SPHKAP: variants seen among roughly 807,000 people sequenced by gnomAD.
The protein encoded by SPHKAP is A-kinase anchor protein SPHKAP.
A neutral mutation model predicts 137.5 loss-of-function variants in SPHKAP; 67 were observed. The observed-to-expected ratio is 0.49, with a 90% CI of 0.40 to 0.60. SPHKAP has a LOEUF of 0.60. Ranked by LOEUF, SPHKAP falls within the 20% of genes least tolerant of loss-of-function variation. The probability of loss-of-function intolerance (pLI) is 0.00; values close to 1 mark genes in which losing one functional copy is unlikely to be tolerated. For synonymous variants in SPHKAP, 813 were observed against 785.3 expected, an observed-to-expected ratio of 1.04 and a Z score of -0.59; for missense variants, 2,097 against 2,069.3, an observed-to-expected ratio of 1.01 and a Z score of -0.26.
intron 3 of SPHKAP, among the ~76,000 whole-genome samples, chr2:228,050,019 A>G (rs1696200232): frequency 6.6e-6 from 1 of 152,218 alleles, no homozygotes; most frequent in African/African-American, 2.4e-5. Flanking sequence ...CCCATTAAAA[A>G]GTGGGCAAAG....
intron 2 of SPHKAP, among the ~76,000 whole-genome samples, chr2:228,111,778 C>T (rs1016664287): frequency 4.6e-4 from 70 of 152,136 alleles, no homozygotes; most frequent in African/African-American, 1.7e-3. Context: ...TGAATTTCTG[C>T]CCCAAATTGT....
Position 228,019,240 on chromosome 2 carries a change from A to T in SPHKAP, c.1614T>A (p.Thr538=). The part of the protein sequence containing the change: ...FPPGSSGALQ[T]QAPQGLKEPS... Reference sequence around the variant, plus strand: ...GTTCCTTGAGTCCTTGGGGTGCTTGAGTTTGCAGTGCACCACTGCTCCCTG... The same window carrying T: ...GTTCCTTGAGTCCTTGGGGTGCTTGTGTTTGCAGTGCACCACTGCTCCCTG... The change falls in exon 7 of 12, where the codon ACT becomes ACA. Residue 538 remains threonine, a synonymous_variant. Coordinates refer to ENST00000392056, the MANE Select transcript of SPHKAP (RefSeq NM_001142644.2). 2 of 1,613,922 alleles carry T rather than the reference A, an allele frequency of 1.2e-6. No individual in the cohort carries two copies. The highest frequency in any genetic ancestry group is 1.7e-6 in the Non-Finnish European group (2 of 1,180,026).
At chr2:228,024,588 CT>C (rs1332093425) in intron 5 of SPHKAP, among the ~76,000 whole-genome samples, 1 of 151,894 alleles carries the variant, frequency 6.6e-6, no homozygotes, top group African/African-American at 2.4e-5. Context: ...AATTTGGAGA[CT>C]TTTGGGCTTT....
chr2:228,002,933 G>A (rs1485212023), intron 7 of SPHKAP, among the ~76,000 whole-genome samples: 2 of 152,174 alleles, frequency 1.3e-5, no homozygotes, highest in African/African-American at 4.8e-5. Context: ...CTATACCTCT[G>A]TTTTGGTACC....
chr2:227,987,947 G>A (rs1466528637), intron 11 of SPHKAP, among the ~76,000 whole-genome samples: 1 of 152,170 alleles, frequency 6.6e-6, no homozygotes, highest in Non-Finnish European at 1.5e-5. Flanking sequence ...ACAGTGGGAA[G>A]ATGACATTTT....
intron 1 of SPHKAP, among the ~76,000 whole-genome samples, chr2:228,164,595 C>T (rs1180911137): frequency 6.6e-6 from 1 of 152,206 alleles, no homozygotes; most frequent in Non-Finnish European, 1.5e-5. Flanking sequence ...TTCCAGCCAC[C>T]TCTACATTGA....
chr2:228,011,157 G>C (rs1033941420), intron 7 of SPHKAP, among the ~76,000 whole-genome samples: 11 of 152,012 alleles, frequency 7.2e-5, no homozygotes, highest in African/African-American at 2.2e-4. Context: ...ATGCATTAGG[G>C]TAAGCTGTGG....
rs1466595782 is a variant in SPHKAP, at chr2:228,080,768, AAAATAAAATAAAATAAAACC to A, written c.246+28044_246+28063del. Among the ~76,000 whole-genome samples the A allele has an allele frequency of 3.1e-3, 181 of 57,550 alleles. 3 individuals carry two copies. The highest frequency in any genetic ancestry group is 0.013 in the African/African-American group (167 of 13,080). The allele number at this position is 57,550 out of a possible 152,430, so 37.8% of individuals were successfully genotyped here. On this transcript the variant is annotated intron_variant, in intron 3 of 11. Transcript: ENST00000392056. ...AAAATAAAATAAAATAAAATAAAAT[AAAATAAAATAAAATAAAACC>A]AAACCACAATGATGTATCATCTCAC...
chr2:228,136,134 G>A (rs1463975406), intron 1 of SPHKAP, among the ~76,000 whole-genome samples: 1 of 152,188 alleles, frequency 6.6e-6, no homozygotes, highest in Admixed American at 6.5e-5. Context: ...ATTAAAATGA[G>A]CTGAAATTGA....
chr2:227,988,579 A>C (rs538984009), intron 11 of SPHKAP, among the ~76,000 whole-genome samples: 1 of 152,316 alleles, frequency 6.6e-6, no homozygotes. Flanking sequence ...TTGTTTCTTC[A>C]AGAAGATACA....
chr2:228,132,487 G>T, intron 1 of SPHKAP: 1 of 727,570 alleles, frequency 1.4e-6, no homozygotes, highest in Non-Finnish European at 1.7e-6. Flanking sequence ...TTTTAAAATG[G>T]AGGTAAAATA....
At position 228,018,816 on chromosome 2, in the gene SPHKAP, T is replaced by C. The variant is rs759522755; in HGVS notation, c.2038A>G (p.Ile680Val). 2 of 1,614,230 alleles carry C rather than the reference T, an allele frequency of 1.2e-6. No homozygotes were observed. Among genetic ancestry groups the C allele is most frequent in the South Asian group, 1.1e-5 (1 of 91,072 alleles). ...TLSNVILRHS[I>V]DEVHHKNMII... Reference sequence around the variant, plus strand: ...ATATTTTTGTGGTGAACTTCATCAATGGAATGCCTCAGGATAACATTGGAC... The same window carrying C: ...ATATTTTTGTGGTGAACTTCATCAACGGAATGCCTCAGGATAACATTGGAC... The change falls in exon 7 of 12, where the codon ATT becomes GTT. Residue 680 changes from isoleucine (I) to valine (V), a missense_variant. Coordinates refer to ENST00000392056, the MANE Select transcript of SPHKAP (RefSeq NM_001142644.2).
intron 3 of SPHKAP, among the ~76,000 whole-genome samples, chr2:228,090,185 G>A (rs1158805500): frequency 6.6e-6 from 1 of 152,172 alleles, no homozygotes; most frequent in East Asian, 1.9e-4. Flanking sequence ...AGCTGCCAAA[G>A]GCCATAAGAG....
chr2:228,084,931 T>C (rs1267457054), intron 3 of SPHKAP, among the ~76,000 whole-genome samples: 1 of 152,240 alleles, frequency 6.6e-6, no homozygotes, highest in Non-Finnish European at 1.5e-5. Flanking sequence ...TTTCCTTTGC[T>C]GTTACTGAGA....
chr2:228,175,779 A>G (rs557606642), intron 1 of SPHKAP, among the ~76,000 whole-genome samples: 2 of 152,294 alleles, frequency 1.3e-5, no homozygotes, highest in East Asian at 3.9e-4. Flanking sequence ...TATCTATAAG[A>G]AACAACTTAG....
At chr2:228,020,651 G>T (rs1011316422) in intron 6 of SPHKAP, among the ~76,000 whole-genome samples, 2 of 152,028 alleles carry the variant, frequency 1.3e-5, no homozygotes, top group African/African-American at 4.8e-5. Flanking sequence ...CACCAACATG[G>T]CACATGTATA....
intron 3 of SPHKAP, among the ~76,000 whole-genome samples, chr2:228,097,977 A>G (rs552141153): frequency 1.6e-4 from 24 of 152,278 alleles, no homozygotes; most frequent in African/African-American, 5.5e-4. Flanking sequence ...AGAACGATCT[A>G]TATTCCTTTG....
intron 3 of SPHKAP, 55 bp downstream of exon 3, chr2:228,108,777 A>G (rs1698420305): frequency 2.4e-6 from 3 of 1,276,128 alleles, no homozygotes; most frequent in Non-Finnish European, 2.2e-6. Flanking sequence ...ACATGGGTAC[A>G]TGTGCCCGCT....
chr2:228,000,810 C>T (rs1454245156), intron 7 of SPHKAP, among the ~76,000 whole-genome samples: 2 of 152,172 alleles, frequency 1.3e-5, no homozygotes, highest in East Asian at 3.9e-4. Flanking sequence ...CCTGTTGCTT[C>T]TAAGTTTTGG....
Sources: allele counts gnomAD v4.1 joint callset (sites outside exome capture counted in the v4.1 genomes callset), GRCh38; gene constraint gnomAD v4.1.1; transcripts MANE v1.5; gene names NCBI Gene and HGNC (gene_info 2026-07-23, HGNC 2026-07-21).